LRGUK: variants seen among roughly 807,000 people sequenced by gnomAD.
LRGUK encodes leucine rich repeats and guanylate kinase domain containing, also known as leucine-rich repeat and guanylate kinase domain-containing protein.
A neutral mutation model predicts 76.0 loss-of-function variants in LRGUK; 65 were observed. The ratio of observed to expected loss-of-function variants is 0.85; its 90% CI spans 0.70 to 1.05. The LOEUF is 1.05. Among genes scored for constraint, LRGUK ranks in the 50% least tolerant of loss-of-function variants. The probability of loss-of-function intolerance (pLI) is 0.00; values close to 1 mark genes in which losing one functional copy is unlikely to be tolerated. For synonymous variants in LRGUK, 268 were observed against 265.6 expected (o/e 1.01, Z -0.09); for missense variants, 758 against 732.8 (o/e 1.03, Z -0.40).
At chr7:134,200,010 A>T (rs939739908) in intron 14 of LRGUK, among the ~76,000 whole-genome samples, 1 of 129,320 alleles carries the variant, frequency 7.7e-6, no homozygotes, top group Non-Finnish European at 1.7e-5. Flanking sequence ...ATATATATAT[A>T]TATATATATA....
At position 134,264,092 on chromosome 7, in the gene LRGUK, A is replaced by T. The variant is rs1011074326; in HGVS notation, c.*117A>T. 12 of 977,698 alleles carry T rather than the reference A, an allele frequency of 1.2e-5. No individual in the cohort carries two copies. In the Admixed American group the frequency reaches 1.5e-4, roughly 13 times the overall value. 60.6% of individuals were successfully genotyped at this position (977,698 alleles called of 1,614,324 possible). A position where few individuals can be genotyped will look rare whatever the true frequency, so the allele number is the denominator to read the frequency against. ...CACTCAACCCATTACCCACGGAAGA[A>T]TGTTCTACCTGCCTTAATTCTATCA... On this transcript the variant is annotated 3_prime_UTR_variant, in exon 20 of 20. Transcript: ENST00000285928.
intron 1 of LRGUK, 135 bp downstream of exon 1, chr7:134,127,799 C>T (rs1013060441): frequency 3.8e-5 from 36 of 935,994 alleles, no homozygotes; most frequent in Non-Finnish European, 5.5e-5. Flanking sequence ...CCAGGAACGC[C>T]TCTTCCCCCT....
chr7:134,222,991 C>G (rs967622498), intron 16 of LRGUK, among the ~76,000 whole-genome samples: 4 of 152,188 alleles, frequency 2.6e-5, no homozygotes, highest in Admixed American at 6.5e-5. Context: ...CTGATTACTT[C>G]AGGCAAAAAG....
chr7:134,146,727 AC>A (rs1460692971), intron 4 of LRGUK, among the ~76,000 whole-genome samples: 1 of 152,166 alleles, frequency 6.6e-6, no homozygotes. Flanking sequence ...TTTAGTATTT[AC>A]TGTATAAAGT....
At position 134,176,270 on chromosome 7, in the gene LRGUK, C is replaced by T. The variant is rs191138958; in HGVS notation, c.1021-707C>T. ...TATCAGGATAAATAGCTAATGCATG[C>T]GGGGCTTAATACCTAGGTGATGGGT... On this transcript the variant is annotated intron_variant, in intron 8 of 15. Transcript: ENST00000645682. Among the ~76,000 whole-genome samples the T allele has an allele frequency of 1.9e-4, 29 of 152,250 alleles. No individual in the cohort carries two copies. The East Asian group carries it at 5.2e-3, about 27-fold the overall frequency.
intron 16 of LRGUK, among the ~76,000 whole-genome samples, chr7:134,244,033 C>T (rs1323275518): frequency 6.6e-6 from 1 of 152,094 alleles, no homozygotes; most frequent in Non-Finnish European, 1.5e-5. Context: ...CTTCCTTACA[C>T]CTTATACAAA....
At chr7:134,214,362 G>T (rs1356294233), downstream of LRGUK, among the ~76,000 whole-genome samples, 2 of 152,134 alleles carry the variant, frequency 1.3e-5, no homozygotes, top group Non-Finnish European at 2.9e-5. Context: ...ACAATTTTCT[G>T]TCAAAGCCTT....
At chr7:134,262,236 T>C (rs536241268) in intron 19 of LRGUK, among the ~76,000 whole-genome samples, 1 of 152,126 alleles carries the variant, frequency 6.6e-6, no homozygotes, top group South Asian at 2.1e-4. Context: ...TAGCTGAGTG[T>C]GTTGGTGTGC....
intron 10 of LRGUK, among the ~76,000 whole-genome samples, chr7:134,181,522 T>TTTTG (rs3030441): frequency 1.3e-5 from 2 of 151,556 alleles, no homozygotes; most frequent in Non-Finnish European, 2.9e-5. Context: ...GCGTAGTGTT[T>TTTTG]TTTGTTTGTT....
intron 6 of LRGUK, among the ~76,000 whole-genome samples, chr7:134,160,984 G>A (rs1207945356): frequency 6.6e-6 from 1 of 151,920 alleles, no homozygotes; most frequent in Non-Finnish European, 1.5e-5. Context: ...TTTTTTTTCA[G>A]TTGTGGTTTC....
intron 19 of LRGUK, among the ~76,000 whole-genome samples, chr7:134,261,891 T>G (rs1041236867): frequency 2.0e-5 from 3 of 152,180 alleles, no homozygotes; most frequent in Non-Finnish European, 4.4e-5. Context: ...TAAATAAAAT[T>G]TATAAATCTG....
At chr7:134,155,353 GGA>G (rs2116898773) in intron 5 of LRGUK, among the ~76,000 whole-genome samples, 1 of 152,302 alleles carries the variant, frequency 6.6e-6, no homozygotes, top group South Asian at 2.1e-4. Context: ...GAACCAGAAA[GGA>G]TAGTATTAGT....
chr7:134,183,671 A>T, intron 10 of LRGUK, 63 bp from the exon 11 acceptor site: 1 of 1,596,776 alleles, frequency 6.3e-7, no homozygotes, highest in South Asian at 1.1e-5. Flanking sequence ...GGCCTAATGG[A>T]TGTAGTTAAT....
In LRGUK at chr7:134,177,004, AT is replaced by A; in HGVS notation, c.1053del (p.Phe351LeufsTer6). 1 of 1,602,950 alleles carries A rather than the reference AT, an allele frequency of 6.2e-7. No individual in the cohort carries two copies. Among genetic ancestry groups the A allele is most frequent in the Non-Finnish European group, 8.5e-7 (1 of 1,171,676 alleles). Reference sequence around the variant, plus strand: ...AAAGTCTGAATATTGGTTCTTCGTAATTTTTATGCTTCTGCGATTAACAGAA... The same window carrying A: ...AAAGTCTGAATATTGGTTCTTCGTAATTTTATGCTTCTGCGATTAACAGAA... On this transcript the variant is annotated frameshift_variant, in exon 9 of 16. Coordinates refer to ENST00000645682, the Ensembl canonical transcript of LRGUK. LOFTEE classifies it high-confidence loss of function.
intron 16 of LRGUK, among the ~76,000 whole-genome samples, chr7:134,247,042 G>A (rs1425308194): frequency 6.6e-6 from 1 of 152,106 alleles, no homozygotes; most frequent in African/African-American, 2.4e-5. Context: ...AGACTATCTT[G>A]TATGTATCTG....
At chr7:134,183,615 A>G (rs1489867530) in intron 10 of LRGUK, 119 bp from the exon 11 acceptor site, 4 of 1,009,352 alleles carry the variant, frequency 4.0e-6, no homozygotes, top group African/African-American at 3.2e-5. Flanking sequence ...CTATTCTTCT[A>G]CGCAGGGTCT....
At chr7:134,142,955 C>T in intron 3 of LRGUK, 107 bp from the exon 4 acceptor site, 1 of 617,448 alleles carries the variant, frequency 1.6e-6, no homozygotes, top group Non-Finnish European at 2.9e-6. Context: ...GATGTCTTTG[C>T]AACTGTTATA....
chr7:134,199,264 C>T (rs61749958), exon 14 of LRGUK: 275 of 1,613,654 alleles, frequency 1.7e-4, no homozygotes, highest in Non-Finnish European at 2.2e-4. Context: ...CTCGTTATAT[C>T]CTGGTGGTGC....
intron 5 of LRGUK, among the ~76,000 whole-genome samples, chr7:134,153,214 T>TA (rs555466004): frequency 6.6e-6 from 1 of 151,950 alleles, no homozygotes; most frequent in South Asian, 2.1e-4. Context: ...TATTTAAAAT[T>TA]AAAAAAATCA....
Sources: gnomAD v4.1 joint callset for allele counts (sites outside exome capture counted in the v4.1 genomes callset) on GRCh38, gnomAD v4.1.1 for gene constraint, MANE v1.5 for transcripts, NCBI Gene and HGNC (gene_info 2026-07-23, HGNC 2026-07-21) for gene names.